The following ATG2A variants were observed in gnomAD, a reference collection of about 807,000 sequenced individuals.
ATG2A encodes autophagy-related protein 2 homolog A.
Under a neutral mutation model 214.2 loss-of-function variants are expected in ATG2A, and 103 were observed. That is an observed-to-expected ratio of 0.48 (90% CI 0.41 to 0.57). The LOEUF is 0.57. Among genes scored for constraint, ATG2A ranks in the 20% least tolerant of loss-of-function variants. ATG2A has a pLI of 0.00. For synonymous variants in ATG2A, 1,160 were observed against 1,142.1 expected (o/e 1.02, Z -0.32); for missense variants, 2,312 against 2,613.2 (o/e 0.88, Z 2.51).
rs777581651 is a variant in ATG2A at position 64,902,182 on chromosome 11, GGA to G, written c.3905-8_3905-7del. 9.1e-5 allele frequency: 146 copies of G among 1,612,808 alleles called. No individual in the cohort carries two copies. Among genetic ancestry groups the G allele is most frequent in the South Asian group, 4.6e-4 (42 of 91,090 alleles). On this transcript the variant is annotated splice_region_variant and splice_polypyrimidine_tract_variant and intron_variant, in intron 28 of 40. Transcript: ENST00000377264. ...CGCCTGAGGGAGGTGGCCACCTATA[GGA>G]GAGAGGCCAGTTTGGAGAGGCGCCC...
rs145571275 is a variant in ATG2A, at chr11:64,909,169, G to A, written c.2205-19C>T. ...CACTACCCTGCCGGGGCACAGGCCT[G>A]TTACTGGCCTGCAGGGCCCCCGGCA... On this transcript the variant is annotated intron_variant, in intron 15 of 40. Transcript: ENST00000377264. 6.7e-4 allele frequency: 1,081 copies of A among 1,606,288 alleles called. 5 individuals are homozygous for A. In the African/African-American group the frequency reaches 0.013, roughly 20 times the overall value.
At chr11:64,901,633 T>C (rs35079323) in intron 29 of ATG2A, among the ~76,000 whole-genome samples, 13,609 of 152,168 alleles carry the variant, frequency 0.089, 1,018 homozygotes, top group African/African-American at 0.21. Flanking sequence ...ACATTCCCAC[T>C]GGCCCTTGCA....
rs760716729 is a variant in ATG2A at position 64,902,621 on chromosome 11, G to A, written c.3672C>T (p.Ala1224=). ...GGTTGACCAGCAGGGCACAGGAGTC[G>A]GCACAGCTGTGCACGTGTACCACAT... ...SNNVVHVHSC[A]DSCALLVNLL... Residue 1224 remains alanine (A), a synonymous_variant, in exon 27 of 41, where the codon GCC becomes GCT. Coordinates refer to ENST00000377264, the MANE Select transcript of ATG2A (RefSeq NM_015104.3). 22 of 1,610,642 alleles carry A rather than the reference G, an allele frequency of 1.4e-5. No homozygotes were observed. Among genetic ancestry groups the A allele is most frequent in the Admixed American group, 1.2e-4 (7 of 59,958 alleles).
chr11:64,910,497 G>A, intron 12 of ATG2A, 119 bp downstream of exon 12: 2 of 1,224,788 alleles, frequency 1.6e-6, no homozygotes, highest in South Asian at 1.4e-5. Context: ...CCAGCATGGA[G>A]AGATGTGGAG....
rs2136536684 is a variant in ATG2A, at chr11:64,896,660, C to G, written c.5273-44G>C. The G allele has an allele frequency of 3.1e-6, 5 of 1,607,070 alleles. 1 individual carries two copies. In the African/African-American group the frequency reaches 4.0e-5, roughly 13 times the overall value. On this transcript the variant is annotated intron_variant, in intron 38 of 40. Coordinates refer to ENST00000377264, the MANE Select transcript of ATG2A (RefSeq NM_015104.3). ...CAGAGACACCCGAGGCTGCCCTGCC[C>G]CCACCTCCTCCTCTTATTCCCAATG...
intron 29 of ATG2A, 142 bp downstream of exon 29, chr11:64,901,820 C>T: frequency 1.1e-6 from 1 of 930,748 alleles, no homozygotes; most frequent in Non-Finnish European, 1.6e-6. Context: ...AGCACCACCC[C>T]CGAGGTGATG....
At chr11:64,901,185 T>G (rs2136559243) in intron 29 of ATG2A, 93 bp from the exon 30 acceptor site, 1 of 1,308,876 alleles carries the variant, frequency 7.6e-7, no homozygotes, top group Non-Finnish European at 1.0e-6. Context: ...CTTTTTCATT[T>G]TTTTTTTTTT....
rs765275652 is a variant in ATG2A, at chr11:64,912,204, C to T, written c.968G>A (p.Gly323Asp). 2 of 1,613,842 alleles carry T rather than the reference C, an allele frequency of 1.2e-6. No individual in the cohort carries two copies. The highest frequency in any genetic ancestry group is 1.7e-6 in the Non-Finnish European group (2 of 1,179,988). ...CTCAATCAGCCACAGGTCTTCGGCA[C>T]CTAGCGGGCGGCTCTTGTTCAGCTT... The part of the protein sequence containing the change: ...ADKLNKSRPL[G>D]AEDLWLIEQD... Residue 323 changes from glycine to aspartate, a missense_variant, in exon 8 of 41, where the codon GGT becomes GAT. Transcript: ENST00000377264.
Position 64,903,518 on chromosome 11 carries a change from C to T in ATG2A, c.3535+72G>A. Reference sequence around the variant, plus strand: ...CCCGGCCAGCAGCTGCGGGGAGACACCTGGCTGCTCTGGGTGTGGCCGGGG... The same window carrying T: ...CCCGGCCAGCAGCTGCGGGGAGACATCTGGCTGCTCTGGGTGTGGCCGGGG... On this transcript the variant is annotated intron_variant, in intron 25 of 40. Transcript: ENST00000377264. This position sits in a 1 kb window ranked among gnomAD's most constrained non-coding sequence, Gnocchi z 4.2. The T allele has an allele frequency of 6.7e-7, 1 of 1,491,710 alleles. No homozygotes were observed. The highest frequency in any genetic ancestry group is 9.0e-7 in the Non-Finnish European group (1 of 1,108,754). 92.4% of individuals were successfully genotyped at this position (1,491,710 alleles called of 1,614,324 possible). A position where few individuals can be genotyped will look rare whatever the true frequency, so the allele number is the denominator to read the frequency against.
chr11:64,897,416 G>GCAC lies in ATG2A; in HGVS notation c.5145_5146insGTG (p.Arg1715_His1716insVal). The GCAC allele has an allele frequency of 1.3e-6, 2 of 1,562,502 alleles. No homozygotes were observed. Among genetic ancestry groups the GCAC allele is most frequent in the Non-Finnish European group, 1.7e-6 (2 of 1,153,150 alleles). ...GCTGGGGTGCTGGGGACTCACCCGT[G>GCAC]CCTGCAACAGAGCCGCTTTAGCTTC... On this transcript the variant is annotated inframe_insertion, in exon 37 of 41. Transcript: ENST00000377264.
Position 64,911,968 on chromosome 11 carries a change from T to C in ATG2A, c.1102A>G (p.Met368Val), listed in dbSNP as rs1364368471. ...NLDNTDLFFS[M>V]AGLTSSVASA... The stretch of plus-strand genomic sequence containing the variant: ...GCCACACTGCTTGTGAGGCCAGCCA[T>C]GGAGAAGAAGAGGTCTGTGGGTGAA... The change falls in exon 9 of 41, where the codon ATG becomes GTG. Residue 368 changes from methionine (M) to valine (V), a missense_variant. Coordinates refer to ENST00000377264, the MANE Select transcript of ATG2A (RefSeq NM_015104.3). 1.2e-6 allele frequency: 2 copies of C among 1,613,806 alleles called. No homozygotes were observed. The highest frequency in any genetic ancestry group is 1.1e-5 in the South Asian group (1 of 91,030).
In ATG2A at chr11:64,914,325, G is replaced by A. The variant is rs368905302; in HGVS notation, c.334+13C>T. The A allele has an allele frequency of 1.8e-5, 28 of 1,586,952 alleles. No individual in the cohort carries two copies. Among genetic ancestry groups the A allele is most frequent in the South Asian group, 3.4e-5 (3 of 87,748 alleles). ...TCCCCACTTGCCTGCCCCCAGCCTC[G>A]CCCTGCCCTCACCTGGACCCCGGCG... On this transcript the variant is annotated intron_variant, in intron 2 of 40. Transcript: ENST00000377264.
intron 29 of ATG2A, 38 bp from the exon 30 acceptor site, chr11:64,901,130 C>G (rs377689315): frequency 3.9e-6 from 6 of 1,538,530 alleles, no homozygotes; most frequent in Non-Finnish European, 8.8e-7. Context: ...CACAGATGTT[C>G]GATCCAGCCC....
In ATG2A at chr11:64,914,285, C is replaced by T. The variant is rs146301730; in HGVS notation, c.335-52G>A. 4.1e-4 allele frequency: 634 copies of T among 1,553,800 alleles called. 7 individuals carry two copies. The African/African-American group carries it at 7.1e-3, about 17-fold the overall frequency. ...CAGGCAGGCCCAGTCAGGTCCTGGA[C>T]GCCCCAGCCCACTCTCCCCACTTGC... is the stretch of plus-strand genomic sequence containing the variant. On this transcript the variant is annotated intron_variant, in intron 2 of 40. Transcript: ENST00000377264.
chr11:64,901,075 A>G lies in ATG2A; in HGVS notation c.4137T>C (p.Pro1379=). 1.3e-6 allele frequency: 2 copies of G among 1,571,678 alleles called. No homozygotes were observed. The highest frequency in any genetic ancestry group is 2.4e-5 in the East Asian group (1 of 42,320). The part of the protein sequence containing the change: ...GLGIPPRDGE[P]VVTQLHPGPI... ...GGCCGGGATGCAGCTGTGTCACCAC[A>G]GGCTCCCCATCTCGGGGCTGCAGGG... Residue 1379 remains proline (P), a synonymous_variant, in exon 30 of 41, where the codon CCT becomes CCC. Transcript: ENST00000377264.
rs1250856820 is a variant in ATG2A, at chr11:64,900,543, C to A, written c.4415G>T (p.Gly1472Val). 2 of 1,613,438 alleles carry A rather than the reference C, an allele frequency of 1.2e-6. No individual in the cohort carries two copies. The highest frequency in any genetic ancestry group is 1.7e-5 in the Admixed American group (1 of 60,012). Residue 1472 changes from glycine to valine, a missense_variant, in exon 31 of 41, where the codon GGG (glycine) becomes GTG (valine). Gly to Val is a moderately radical substitution (Grantham distance 109). Transcript: ENST00000377264. ...NRPQNSWRTQ[G>V]GSGRQHHVLM... ...GACATGGTGCTGCCGCCCGCTGCCC[C>A]CCTGCGTGCGCCATGAGTTCTGGGG...
At chr11:64,914,576 T>G in intron 1 of ATG2A, 76 bp from the exon 2 acceptor site, 242 of 1,473,124 alleles carry the variant, frequency 1.6e-4, no homozygotes, top group Non-Finnish European at 2.0e-4. Flanking sequence ...TATCTGGCCA[T>G]AGTGCCTTGG....
Position 64,911,052 on chromosome 11 carries a change from G to T in ATG2A, c.1452C>A (p.Pro484=), listed in dbSNP as rs758492826. ...CGGGCTTATACCGAACATGGCTACA[G>T]GGACAGGCCCTCTGGAAGCGTGGTC... ...HLRPRFQRAC[P]CSHVRLTGTA... Residue 484 remains proline (P), a synonymous_variant, in exon 10 of 41, where the codon CCC becomes CCA. Coordinates refer to ENST00000377264, the MANE Select transcript of ATG2A (RefSeq NM_015104.3). The T allele has an allele frequency of 1.9e-6, 3 of 1,614,030 alleles. No individual in the cohort carries two copies. Among genetic ancestry groups the T allele is most frequent in the Non-Finnish European group, 2.5e-6 (3 of 1,180,044 alleles).
chr11:64,898,649 G>A lies in ATG2A; in HGVS notation c.4658C>T (p.Ala1553Val). The change falls in exon 32 of 41, where the codon GCC (alanine) becomes GTC (valine). Residue 1553 changes from alanine (A) to valine (V), a missense_variant. Coordinates refer to ENST00000377264, the MANE Select transcript of ATG2A (RefSeq NM_015104.3). The surrounding 1 kb of genome is among the most constrained non-coding windows in gnomAD (Gnocchi z 4.5). ...GGTCGCTCATACCATGTTAGAGTGG[G>A]CACGTCGCGGCATCCGCTCACTCGT... Reference protein sequence around the residue: ...LHTSERMPRRAHSNMLTIKAL... With the variant: ...LHTSERMPRRVHSNMLTIKAL... 1 of 1,613,958 alleles carries A rather than the reference G, an allele frequency of 6.2e-7. No homozygotes were observed. The highest frequency in any genetic ancestry group is 8.5e-7 in the Non-Finnish European group (1 of 1,179,912).
Sources: gnomAD v4.1 joint callset for allele counts (sites outside exome capture counted in the v4.1 genomes callset) on GRCh38, gnomAD v4.1.1 for gene constraint, Gnocchi (gnomAD v3.1) non-coding constraint, MANE v1.5 for transcripts, NCBI Gene and HGNC (gene_info 2026-07-23, HGNC 2026-07-21) for gene names.